Variants in GTF2F2 observed in about 807,000 individuals in gnomAD.
The protein encoded by GTF2F2 is ATP-dependent helicase GTF2F2.
GTF2F2 carries 23 observed loss-of-function variants against 42.2 expected under a neutral mutation model. That is an observed-to-expected ratio of 0.55 (90% CI 0.39 to 0.77). The LOEUF (loss-of-function observed/expected upper bound fraction) is 0.77, where lower values mean the gene tolerates loss of function less well. GTF2F2 is among the 30% of genes least tolerant of loss of function. The pLI is 0.00. For missense variants in GTF2F2, 261 were observed against 287.2 expected, an observed-to-expected ratio of 0.91 and a Z score of 0.66; for synonymous variants, 105 against 100.8, an observed-to-expected ratio of 1.04 and a Z score of -0.25.
In GTF2F2 at chr13:45,278,413, C is replaced by T. The variant is rs550798300; in HGVS notation, c.631-5029C>T. 2.0e-5 allele frequency among the ~76,000 whole-genome samples: 3 copies of T among 152,328 alleles called. No individual in the cohort carries two copies. The South Asian group carries it at 6.2e-4, about 32-fold the overall frequency. ...TGCATTCAGACTTGCCGTAAATTCT[C>T]TCCCACACATCCTTTTGATGAAGAA... On this transcript the variant is annotated intron_variant, in intron 7 of 7. Coordinates refer to ENST00000340473, the MANE Select transcript of GTF2F2 (RefSeq NM_004128.3).
At chr13:45,253,716 A>T (rs1438117037) in intron 6 of GTF2F2, among the ~76,000 whole-genome samples, 2 of 152,176 alleles carry the variant, frequency 1.3e-5, no homozygotes, top group African/African-American at 2.4e-5. Context: ...TCCACATTGT[A>T]TATGCTACCC....
intron 4 of GTF2F2, among the ~76,000 whole-genome samples, chr13:45,171,612 T>A (rs562535436): frequency 1.9e-4 from 29 of 152,298 alleles, no homozygotes; most frequent in African/African-American, 6.7e-4. Context: ...TTTTAAAAAA[T>A]TACAGCTTTA....
At chr13:45,157,426 TTTACATGTTAAA>T (rs1870814930) in intron 4 of GTF2F2, among the ~76,000 whole-genome samples, 1 of 152,194 alleles carries the variant, frequency 6.6e-6, no homozygotes, top group Non-Finnish European at 1.5e-5. Context: ...TATAATTTGA[TTTACATGTTAAA>T]GACCTACTCT....
intron 5 of GTF2F2, among the ~76,000 whole-genome samples, chr13:45,213,783 T>A (rs1873790395): frequency 6.6e-6 from 1 of 152,146 alleles, no homozygotes; most frequent in African/African-American, 2.4e-5. Context: ...TTATTAATAA[T>A]TTTTTTATTT....
intron 5 of GTF2F2, among the ~76,000 whole-genome samples, chr13:45,232,483 A>T (rs1046476524): frequency 4.0e-5 from 6 of 151,876 alleles, no homozygotes; most frequent in African/African-American, 1.2e-4. Context: ...AATTTTTTTT[A>T]AATTAGCTGA....
chr13:45,165,180 GA>G (rs1293404929), intron 4 of GTF2F2, among the ~76,000 whole-genome samples: 2 of 149,970 alleles, frequency 1.3e-5, no homozygotes, highest in Non-Finnish European at 3.0e-5. Context: ...AAATAGAATG[GA>G]AAAAATATAT....
chr13:45,265,130 G>A (rs896052000), intron 6 of GTF2F2, among the ~76,000 whole-genome samples: 8 of 151,948 alleles, frequency 5.3e-5, no homozygotes, highest in Admixed American at 1.3e-4. Context: ...ATGGTGGTGC[G>A]CACCTGTAAT....
At chr13:45,273,645 G>A (rs56341433) in intron 7 of GTF2F2, among the ~76,000 whole-genome samples, 38,708 of 146,384 alleles carry the variant, frequency 0.26, 5,959 homozygotes, top group African/African-American at 0.41. Flanking sequence ...TGATTTTAAA[G>A]AGTGGTAAAA....
At chr13:45,163,388 T>C (rs1256494450) in intron 4 of GTF2F2, among the ~76,000 whole-genome samples, 1 of 151,994 alleles carries the variant, frequency 6.6e-6, no homozygotes, top group Non-Finnish European at 1.5e-5. Flanking sequence ...TAAAAAAAAT[T>C]AGCCAGGCAT....
At chr13:45,272,680 G>A (rs1439261516) in intron 7 of GTF2F2, among the ~76,000 whole-genome samples, 1 of 150,954 alleles carries the variant, frequency 6.6e-6, no homozygotes, top group East Asian at 2.0e-4. Context: ...AGGAGGTGGA[G>A]GTTGCAGTAA....
At chr13:45,214,378 G>A (rs769964059) in intron 5 of GTF2F2, among the ~76,000 whole-genome samples, 1 of 152,066 alleles carries the variant, frequency 6.6e-6, no homozygotes, top group African/African-American at 2.4e-5. Flanking sequence ...ACCTTCAGTC[G>A]ATGAAATTCA....
intron 3 of GTF2F2, among the ~76,000 whole-genome samples, chr13:45,151,367 TG>T (rs1870483682): frequency 1.3e-5 from 2 of 152,168 alleles, no homozygotes; most frequent in South Asian, 2.1e-4. Flanking sequence ...TTCTCTCTTT[TG>T]TTTTTTTTAA....
At chr13:45,246,899 G>A (rs1029511238) in intron 5 of GTF2F2, among the ~76,000 whole-genome samples, 33 of 151,934 alleles carry the variant, frequency 2.2e-4, no homozygotes, top group Admixed American at 9.8e-4. Context: ...TTAGCCTGGC[G>A]TGGTGGCGGG....
At chr13:45,156,225 G>C (rs1382757395) in intron 4 of GTF2F2, among the ~76,000 whole-genome samples, 1 of 152,216 alleles carries the variant, frequency 6.6e-6, no homozygotes, top group Non-Finnish European at 1.5e-5. Context: ...GAGGCAACTG[G>C]TAAGTGAATA....
At chr13:45,276,238 G>A (rs554192172) in intron 7 of GTF2F2, among the ~76,000 whole-genome samples, 2 of 152,202 alleles carry the variant, frequency 1.3e-5, no homozygotes, top group East Asian at 3.9e-4. Flanking sequence ...ATATCATAGT[G>A]TGTATATACC....
intron 7 of GTF2F2, among the ~76,000 whole-genome samples, chr13:45,279,849 G>A (rs1421887999): frequency 6.6e-6 from 1 of 152,144 alleles, no homozygotes; most frequent in African/African-American, 2.4e-5. Flanking sequence ...AAGTTGCAGT[G>A]AGCCAAGATC....
intron 7 of GTF2F2, among the ~76,000 whole-genome samples, chr13:45,273,146 C>T (rs1876874472): frequency 6.6e-6 from 1 of 151,538 alleles, no homozygotes; most frequent in Non-Finnish European, 1.5e-5. Flanking sequence ...CAGGCTGGTC[C>T]TGAACTCCTG....
At chr13:45,211,722 G>A (rs2138193924) in intron 5 of GTF2F2, among the ~76,000 whole-genome samples, 1 of 151,966 alleles carries the variant, frequency 6.6e-6, no homozygotes. Context: ...CAAGTAGCTG[G>A]TATTCCAGGC....
At chr13:45,228,259 T>C (rs369956381) in intron 5 of GTF2F2, among the ~76,000 whole-genome samples, 15 of 144,082 alleles carry the variant, frequency 1.0e-4, no homozygotes, top group East Asian at 6.4e-4. Flanking sequence ...CTGCCTCATT[T>C]TCCTTATTGC....
Sources: allele counts gnomAD v4.1 joint callset (sites outside exome capture counted in the v4.1 genomes callset), GRCh38; gene constraint gnomAD v4.1.1; transcripts MANE v1.5; gene names NCBI Gene and HGNC (gene_info 2026-07-23, HGNC 2026-07-21).